The following STX18 variants were observed in gnomAD, a reference collection of about 807,000 sequenced individuals.
The protein encoded by STX18 is syntaxin-18.
Under a neutral mutation model 50.1 loss-of-function variants are expected in STX18, and 40 were observed. The observed-to-expected ratio is 0.80, with a 90% confidence interval of 0.62 to 1.04. The LOEUF (loss-of-function observed/expected upper bound fraction) is 1.04, where lower values mean the gene tolerates loss of function less well. STX18 is among the 50% of genes least tolerant of loss of function. The pLI, the probability that STX18 is intolerant of heterozygous loss-of-function variation, is 0.00. For synonymous variants in STX18, 158 were observed against 151.8 expected, an observed-to-expected ratio of 1.04 and a Z score of -0.30; for missense variants, 410 against 415.8, an observed-to-expected ratio of 0.99 and a Z score of 0.12.
At chr4:4,422,773 T>TA (rs2108769409) in intron 9 of STX18, among the ~76,000 whole-genome samples, 1 of 152,314 alleles carries the variant, frequency 6.6e-6, no homozygotes, top group East Asian at 1.9e-4. Context: ...GTACCTCATT[T>TA]ACAATGATTT....
chr4:4,532,858 C>T (rs907867897), intron 1 of STX18, among the ~76,000 whole-genome samples: 3 of 152,200 alleles, frequency 2.0e-5, no homozygotes, highest in Admixed American at 6.5e-5. Context: ...CAAGAAAAGG[C>T]AAGTGTTCAT....
chr4:4,493,450 TTTAA>T, intron 1 of STX18, among the ~76,000 whole-genome samples: 1 of 152,244 alleles, frequency 6.6e-6, no homozygotes, highest in Non-Finnish European at 1.5e-5. Flanking sequence ...TTCCACTGTA[TTTAA>T]TTGACACCAC....
intron 1 of STX18, among the ~76,000 whole-genome samples, chr4:4,522,924 A>C (rs1730579115): frequency 6.6e-6 from 1 of 152,266 alleles, no homozygotes; most frequent in Non-Finnish European, 1.5e-5. Flanking sequence ...ATGTGAGTGC[A>C]GAGAGACAGA....
chr4:4,444,761 T>G (rs1577328337), intron 5 of STX18, among the ~76,000 whole-genome samples: 1 of 152,216 alleles, frequency 6.6e-6, no homozygotes, highest in East Asian at 1.9e-4. Context: ...AAAGAACAGC[T>G]ACATAATACC....
intron 1 of STX18, chr4:4,507,616 T>A: frequency 2.6e-6 from 2 of 767,194 alleles, no homozygotes; most frequent in Non-Finnish European, 4.8e-6. Flanking sequence ...CCAAGCGAAA[T>A]TGTGGGCAAG....
intron 7 of STX18, among the ~76,000 whole-genome samples, chr4:4,428,228 C>T (rs1725350656): frequency 1.3e-5 from 2 of 152,314 alleles, no homozygotes; most frequent in Non-Finnish European, 1.5e-5. Flanking sequence ...TTATAGGAAC[C>T]CTGGGGCAAT....
chr4:4,429,590 G>A (rs1432130820), intron 7 of STX18, among the ~76,000 whole-genome samples: 1 of 152,202 alleles, frequency 6.6e-6, no homozygotes, highest in Non-Finnish European at 1.5e-5. Context: ...TTCCAGACGT[G>A]CTTTCTCTGT....
chr4:4,466,223 G>A (rs1727612454), intron 2 of STX18, among the ~76,000 whole-genome samples: 1 of 152,020 alleles, frequency 6.6e-6, no homozygotes, highest in Non-Finnish European at 1.5e-5. Context: ...TGATAAATGG[G>A]TCTCTCAGGA....
chr4:4,442,574 C>A (rs1317703204), intron 5 of STX18, among the ~76,000 whole-genome samples: 1 of 152,060 alleles, frequency 6.6e-6, no homozygotes, highest in Admixed American at 6.6e-5. Context: ...GCCGAGATCA[C>A]CCACTGCACT....
chr4:4,529,424 A>G (rs923660393), intron 1 of STX18, among the ~76,000 whole-genome samples: 3 of 152,256 alleles, frequency 2.0e-5, no homozygotes, highest in African/African-American at 7.2e-5. Context: ...TTGGTTTGGA[A>G]GCAGCCATAT....
At chr4:4,482,533 T>C (rs374568313) in intron 1 of STX18, among the ~76,000 whole-genome samples, 1 of 152,208 alleles carries the variant, frequency 6.6e-6, no homozygotes, top group Admixed American at 6.5e-5. Flanking sequence ...ACAAATGAAA[T>C]TGGTCAGTCA....
At chr4:4,441,376 C>A (rs1236323119) in intron 5 of STX18, among the ~76,000 whole-genome samples, 2 of 152,072 alleles carry the variant, frequency 1.3e-5, no homozygotes, top group Non-Finnish European at 2.9e-5. Context: ...CACAAATATG[C>A]ACAAAGGTAA....
At chr4:4,491,090 C>T (rs189057320) in intron 1 of STX18, among the ~76,000 whole-genome samples, 345 of 150,904 alleles carry the variant, frequency 2.3e-3, no homozygotes, top group African/African-American at 3.4e-3. Context: ...TTTCAATATA[C>T]GCATTCAACT....
intron 1 of STX18, chr4:4,479,089 A>G (rs1217855213): frequency 1.3e-5 from 2 of 152,250 alleles, no homozygotes; most frequent in African/African-American, 2.4e-5. Context: ...GGAATTGGGT[A>G]AAAACTATTT....
chr4:4,437,707 C>T lies in STX18; in HGVS notation c.613+687G>A, dbSNP rs1046650937. On this transcript the variant is annotated intron_variant, in intron 6 of 10. Transcript: ENST00000306200. Reference sequence around the variant, plus strand: ...CAGGTCTCTCCTGGCTCCAGCACGCCATCACCCTGTGATTCACACAAAGAA... The same window carrying T: ...CAGGTCTCTCCTGGCTCCAGCACGCTATCACCCTGTGATTCACACAAAGAA... 42 of 783,482 alleles carry T rather than the reference C, an allele frequency of 5.4e-5. No homozygotes were observed. In the African/African-American group the frequency reaches 7.7e-4, roughly 14 times the overall value. The allele number at this position is 783,482 out of a possible 1,614,324, so 48.5% of individuals were successfully genotyped here. A position where few individuals can be genotyped will look rare whatever the true frequency, so the allele number is the denominator to read the frequency against.
intron 1 of STX18, among the ~76,000 whole-genome samples, chr4:4,488,963 T>C (rs1270565337): frequency 2.6e-5 from 4 of 152,310 alleles, no homozygotes; most frequent in African/African-American, 9.6e-5. Flanking sequence ...ACATCCATTC[T>C]GCTTGTCAGA....
chr4:4,481,364 T>C (rs1398298227), intron 1 of STX18, among the ~76,000 whole-genome samples: 1 of 152,210 alleles, frequency 6.6e-6, no homozygotes, highest in Admixed American at 6.5e-5. Context: ...AAGTACTGAT[T>C]TGCATAATTT....
At chr4:4,464,588 A>G (rs1158406728) in intron 2 of STX18, among the ~76,000 whole-genome samples, 2 of 152,174 alleles carry the variant, frequency 1.3e-5, no homozygotes, top group African/African-American at 4.8e-5. Flanking sequence ...CACTTCTTTA[A>G]GGACACTTTC....
At chr4:4,432,679 G>A (rs571061293) in intron 7 of STX18, among the ~76,000 whole-genome samples, 85 of 152,352 alleles carry the variant, frequency 5.6e-4, no homozygotes, top group African/African-American at 2.0e-3. Flanking sequence ...GCTGCGTGTG[G>A]ACTCCAGTCA....
Sources: gnomAD v4.1 joint callset for allele counts (sites outside exome capture counted in the v4.1 genomes callset) on GRCh38, gnomAD v4.1.1 for gene constraint, MANE v1.5 for transcripts, NCBI Gene and HGNC (gene_info 2026-07-23, HGNC 2026-07-21) for gene names.